Variants in SHQ1 observed in about 807,000 individuals in gnomAD.
SHQ1 encodes the protein protein SHQ1 homolog.
SHQ1 carries 49 observed loss-of-function variants against 53.8 expected under a neutral mutation model. The observed-to-expected ratio is 0.91, with a 90% CI of 0.72 to 1.16. The LOEUF is 1.16. SHQ1 is among the 50% of genes most tolerant of loss of function. SHQ1 has a pLI of 0.00. For missense variants in SHQ1, 738 were observed against 683.1 expected (o/e 1.08, Z -0.90); for synonymous variants, 243 against 251.0 (o/e 0.97, Z 0.30).
At chr3:72,843,778 T>C (rs1489327868) in intron 2 of SHQ1, among the ~76,000 whole-genome samples, 19 of 149,570 alleles carry the variant, frequency 1.3e-4, no homozygotes, top group Non-Finnish European at 1.0e-4. Context: ...CCTAGTTCAC[T>C]GAGGTCAATA....
intron 5 of SHQ1, among the ~76,000 whole-genome samples, chr3:72,830,244 G>A (rs1014293139): frequency 4.6e-5 from 7 of 151,870 alleles, no homozygotes; most frequent in Admixed American, 3.3e-4. Flanking sequence ...TGACTTCACC[G>A]TGTTCTGCTT....
chr3:72,801,298 T>A (rs1335876374), intron 9 of SHQ1, among the ~76,000 whole-genome samples: 1 of 152,236 alleles, frequency 6.6e-6, no homozygotes, highest in Admixed American at 6.5e-5. Context: ...GTAAAATTTT[T>A]ATTCAATTTT....
At chr3:72,828,658 G>A (rs1575728980) in intron 5 of SHQ1, among the ~76,000 whole-genome samples, 1 of 152,150 alleles carries the variant, frequency 6.6e-6, no homozygotes, top group South Asian at 2.1e-4. Context: ...TCGCACCACT[G>A]CACTCCAGCC....
intron 2 of SHQ1, among the ~76,000 whole-genome samples, chr3:72,843,025 C>T (rs1159661541): frequency 6.7e-6 from 1 of 150,336 alleles, no homozygotes; most frequent in African/African-American, 2.5e-5. Flanking sequence ...TGCTGTGAGC[C>T]GAGATCGCGC....
Position 72,797,901 on chromosome 3 carries a change from T to TC in SHQ1, c.1061-4866dup, listed in dbSNP as rs397970110. Among the ~76,000 whole-genome samples the TC allele has an allele frequency of 3.3e-5, 5 of 152,130 alleles. No individual in the cohort carries two copies. In the East Asian group the frequency reaches 9.6e-4, roughly 29 times the overall value. On this transcript the variant is annotated intron_variant, in intron 9 of 10. Coordinates refer to ENST00000325599, the MANE Select transcript of SHQ1 (RefSeq NM_018130.3). The stretch of plus-strand genomic sequence containing the variant: ...CAAGCATGTGGCTGGGCTTTTTTTT[T>TC]CAGTCTCTTTTGTACTGACTGCTCT...
At chr3:72,747,285 G>C (rs1376967641), downstream of SHQ1, among the ~76,000 whole-genome samples, 1 of 152,192 alleles carries the variant, frequency 6.6e-6, no homozygotes, top group African/African-American at 2.4e-5. Context: ...TTAAACTCAA[G>C]TGGGAAAACC....
At chr3:72,736,486 T>A in the SHQ1 span, among the ~76,000 whole-genome samples, 2 of 151,636 alleles carry the variant, frequency 1.3e-5, no homozygotes, top group Non-Finnish European at 2.9e-5. Flanking sequence ...ATTAAAAATT[T>A]TTTTAAAAAA....
intron 4 of SHQ1, among the ~76,000 whole-genome samples, chr3:72,833,454 A>G (rs1310208693): frequency 3.6e-5 from 1 of 28,006 alleles, no homozygotes; most frequent in African/African-American, 1.7e-4. Flanking sequence ...TGATAGATAG[A>G]TAGATAGATA....
At chr3:72,818,833 T>C (rs1354500749) in intron 6 of SHQ1, among the ~76,000 whole-genome samples, 1 of 152,154 alleles carries the variant, frequency 6.6e-6, no homozygotes, top group African/African-American at 2.4e-5. Context: ...CAGGGACCTG[T>C]AGAGGCCTCT....
At chr3:72,828,847 G>C (rs923399582) in intron 5 of SHQ1, among the ~76,000 whole-genome samples, 1 of 152,142 alleles carries the variant, frequency 6.6e-6, no homozygotes, top group African/African-American at 2.4e-5. Context: ...GACACACAAA[G>C]GAGTTAGGTA....
At chr3:72,808,706 C>T (rs998493677) in intron 9 of SHQ1, among the ~76,000 whole-genome samples, 5 of 152,100 alleles carry the variant, frequency 3.3e-5, no homozygotes, top group Admixed American at 6.6e-5. Flanking sequence ...TCCGAACAAA[C>T]GAGCCTCTTC....
At chr3:72,840,943 GTAA>G in intron 4 of SHQ1, 99 bp downstream of exon 4, 1 of 1,339,654 alleles carries the variant, frequency 7.5e-7, no homozygotes, top group South Asian at 1.5e-5. Context: ...ATCACCTCCT[GTAA>G]TATTATTTTT....
At chr3:72,841,869 C>G (rs1226305289) in intron 3 of SHQ1, among the ~76,000 whole-genome samples, 3 of 152,140 alleles carry the variant, frequency 2.0e-5, no homozygotes, top group East Asian at 3.9e-4. Context: ...CTGACAGGAG[C>G]CAGAGCTCAG....
chr3:72,765,372 C>A (rs1705697141), intron 10 of SHQ1, among the ~76,000 whole-genome samples: 1 of 151,432 alleles, frequency 6.6e-6, no homozygotes, highest in African/African-American at 2.4e-5. Flanking sequence ...CCAAGAGTAG[C>A]TCTACCTCCA....
intron 10 of SHQ1, among the ~76,000 whole-genome samples, chr3:72,792,110 C>CA (rs1290461246): frequency 6.6e-6 from 1 of 152,192 alleles, no homozygotes; most frequent in Non-Finnish European, 1.5e-5. Context: ...TTAGGCTCTG[C>CA]AGGTGGTAAG....
intron 10 of SHQ1, among the ~76,000 whole-genome samples, chr3:72,765,207 G>A (rs1467348553): frequency 1.3e-5 from 2 of 152,086 alleles, no homozygotes; most frequent in Non-Finnish European, 2.9e-5. Context: ...CCCATTAGCT[G>A]CCTTCTTGTA....
In SHQ1 at chr3:72,763,771, C is replaced by T. The variant is rs752983083; in HGVS notation, c.1182-12935G>A. ...CACTGCTGAAGCCAGCAGAGAGGCA[C>T]GGAACAGATTCTCCTGCAGAGTTCA... On this transcript the variant is annotated intron_variant, in intron 10 of 10. Coordinates refer to ENST00000325599, the MANE Select transcript of SHQ1 (RefSeq NM_018130.3). Among the ~76,000 whole-genome samples, 8 of 152,112 alleles carry T rather than the reference C, an allele frequency of 5.3e-5. No individual in the cohort carries two copies. The South Asian group carries it at 1.5e-3, about 28-fold the overall frequency.
At position 72,841,040 on chromosome 3, in the gene SHQ1, C is replaced by T; in HGVS notation, c.486+5G>A. ...AGATCAAGATCTTTCAGAAAGACAA[C>T]ATACCTGTAACCGTTGCAACACTCC... On this transcript the variant is annotated splice_donor_5th_base_variant and intron_variant, in intron 4 of 10. Transcript: ENST00000325599. 1 of 1,603,866 alleles carries T rather than the reference C, an allele frequency of 6.2e-7. No individual in the cohort carries two copies. The highest frequency in any genetic ancestry group is 8.5e-7 in the Non-Finnish European group (1 of 1,176,944).
intron 10 of SHQ1, among the ~76,000 whole-genome samples, chr3:72,775,623 C>T (rs1016485389): frequency 5.9e-5 from 9 of 152,132 alleles, no homozygotes; most frequent in Non-Finnish European, 1.2e-4. Flanking sequence ...TCTTCCCATA[C>T]ATACCCTCTT....
Sources: gnomAD v4.1 joint callset for allele counts (sites outside exome capture counted in the v4.1 genomes callset) on GRCh38, gnomAD v4.1.1 for gene constraint, MANE v1.5 for transcripts, NCBI Gene and HGNC (gene_info 2026-07-23, HGNC 2026-07-21) for gene names.